Variants in KSR2 observed in about 807,000 individuals in gnomAD.
KSR2 encodes the protein kinase suppressor of ras 2.
KSR2 carries 25 observed loss-of-function variants against 107.8 expected under a neutral mutation model. The ratio of observed to expected loss-of-function variants is 0.23; its 90% CI spans 0.17 to 0.32. The LOEUF (loss-of-function observed/expected upper bound fraction) is 0.32. KSR2 is among the 10% of genes least tolerant of loss of function. KSR2 has a pLI of 1.00. For missense variants in KSR2, 887 were observed against 1,268.9 expected (o/e 0.70, Z 4.57); for synonymous variants, 480 against 507.0 (o/e 0.95, Z 0.71).
At chr12:117,719,914 G>A (rs1413321869) in intron 4 of KSR2, among the ~76,000 whole-genome samples, 2 of 152,156 alleles carry the variant, frequency 1.3e-5, no homozygotes, top group Non-Finnish European at 2.9e-5. Flanking sequence ...GAAGGGCAAT[G>A]CTTCTCCTTA....
chr12:117,517,020 A>T (rs950227936), intron 14 of KSR2, among the ~76,000 whole-genome samples: 2 of 151,952 alleles, frequency 1.3e-5, no homozygotes, highest in African/African-American at 4.8e-5. Context: ...CTCACAGACC[A>T]CCCCCCTCCA....
intron 1 of KSR2, among the ~76,000 whole-genome samples, chr12:117,898,750 A>T (rs1475297242): frequency 6.6e-6 from 1 of 152,234 alleles, no homozygotes; most frequent in Admixed American, 6.5e-5. Context: ...TCAGCCAAAA[A>T]AAAAAGAATG....
At chr12:117,709,602 G>A (rs1321180467) in intron 4 of KSR2, among the ~76,000 whole-genome samples, 4 of 152,194 alleles carry the variant, frequency 2.6e-5, no homozygotes, top group African/African-American at 9.7e-5. Context: ...ACAGACATGA[G>A]CCACTGTGCC....
chr12:117,883,410 A>G (rs1318301254), intron 1 of KSR2, among the ~76,000 whole-genome samples: 1 of 152,198 alleles, frequency 6.6e-6, no homozygotes, highest in Non-Finnish European at 1.5e-5. Flanking sequence ...GTAAGTGTCA[A>G]CCATTGGGCT....
intron 5 of KSR2, among the ~76,000 whole-genome samples, chr12:117,645,138 T>C (rs900659811): frequency 6.6e-6 from 1 of 152,148 alleles, no homozygotes; most frequent in Admixed American, 6.5e-5. Flanking sequence ...AGATGGAAGT[T>C]TGGAGCAGTC....
intron 5 of KSR2, among the ~76,000 whole-genome samples, chr12:117,656,007 G>A (rs539674919): frequency 5.8e-4 from 89 of 152,316 alleles, no homozygotes; most frequent in African/African-American, 2.0e-3. Context: ...AAAAAACCAC[G>A]ACTTGCTGAG....
chr12:117,647,590 T>C (rs1883708370), intron 5 of KSR2, among the ~76,000 whole-genome samples: 2 of 152,144 alleles, frequency 1.3e-5, no homozygotes, highest in Non-Finnish European at 2.9e-5. Flanking sequence ...AAAATCCAAG[T>C]TATCAAAGCT....
rs557436312 is a variant in KSR2 at position 117,611,911 on chromosome 12, C to T, written c.1172-29552G>A. ...TTCCACTCAAATGAGGTACCTAGTC[C>T]AGTCAAATTCATAGAGACAGAAAGT... On this transcript the variant is annotated intron_variant, in intron 5 of 19. Coordinates refer to ENST00000339824, the MANE Select transcript of KSR2 (RefSeq NM_173598.6). Among the ~76,000 whole-genome samples the T allele has an allele frequency of 7.9e-5, 12 of 152,218 alleles. 1 individual carries two copies. The South Asian group carries it at 2.5e-3, about 32-fold the overall frequency.
chr12:117,529,363 G>A (rs1875447373), intron 12 of KSR2, among the ~76,000 whole-genome samples: 1 of 152,140 alleles, frequency 6.6e-6, no homozygotes, highest in Non-Finnish European at 1.5e-5. Flanking sequence ...TTACAGTTGT[G>A]TGCCACCACG....
intron 5 of KSR2, among the ~76,000 whole-genome samples, chr12:117,629,714 C>T (rs749121991): frequency 6.6e-6 from 1 of 152,210 alleles, no homozygotes; most frequent in Non-Finnish European, 1.5e-5. Flanking sequence ...CTATAGCAAT[C>T]AACATCCTCA....
At chr12:117,875,648 G>A (rs1893817716) in intron 1 of KSR2, among the ~76,000 whole-genome samples, 1 of 152,180 alleles carries the variant, frequency 6.6e-6, no homozygotes, top group Non-Finnish European at 1.5e-5. Context: ...CACATGAGCA[G>A]CAAAGAGCTC....
chr12:117,616,717 A>G (rs1481621237), intron 5 of KSR2, among the ~76,000 whole-genome samples: 1 of 152,124 alleles, frequency 6.6e-6, no homozygotes, highest in Non-Finnish European at 1.5e-5. Flanking sequence ...CTTCTGCCCA[A>G]CCTTGCTTCC....
At chr12:117,628,311 T>C (rs1318675366) in intron 5 of KSR2, among the ~76,000 whole-genome samples, 3 of 152,374 alleles carry the variant, frequency 2.0e-5, no homozygotes, top group South Asian at 4.1e-4. Flanking sequence ...TTTTCTGCTC[T>C]GGTTTCTCCC....
chr12:117,660,750 A>G (rs1884400044), intron 5 of KSR2, among the ~76,000 whole-genome samples: 1 of 152,182 alleles, frequency 6.6e-6, no homozygotes, highest in South Asian at 2.1e-4. Context: ...AAACATAAAG[A>G]TATTTAATAG....
intron 5 of KSR2, among the ~76,000 whole-genome samples, chr12:117,647,143 TG>T (rs755451717): frequency 6.6e-6 from 1 of 151,980 alleles, no homozygotes; most frequent in Non-Finnish European, 1.5e-5. Context: ...AAGACAGATG[TG>T]ACGGAGGAAG....
At chr12:117,578,807 C>T (rs576665832) in intron 7 of KSR2, among the ~76,000 whole-genome samples, 13 of 152,230 alleles carry the variant, frequency 8.5e-5, no homozygotes, top group Non-Finnish European at 1.5e-4. Flanking sequence ...TATTTACTAT[C>T]TGGTCAACTC....
chr12:117,798,344 C>G (rs1890707138), intron 3 of KSR2, among the ~76,000 whole-genome samples: 2 of 152,160 alleles, frequency 1.3e-5, no homozygotes. Context: ...CCTAAAGAAA[C>G]AGAGGAAGCT....
intron 3 of KSR2, among the ~76,000 whole-genome samples, chr12:117,769,805 G>C (rs1305564809): frequency 6.6e-6 from 1 of 152,076 alleles, no homozygotes; most frequent in Non-Finnish European, 1.5e-5. Context: ...TGTAATCCTA[G>C]CACTTTGGGA....
chr12:117,688,153 G>A (rs911354427), intron 4 of KSR2, among the ~76,000 whole-genome samples: 2 of 152,216 alleles, frequency 1.3e-5, no homozygotes, highest in East Asian at 1.9e-4. Context: ...GCTGAGATGG[G>A]TGGATCACTT....
Sources: allele counts gnomAD v4.1 joint callset (sites outside exome capture counted in the v4.1 genomes callset), GRCh38; gene constraint gnomAD v4.1.1; transcripts MANE v1.5; gene names NCBI Gene and HGNC (gene_info 2026-07-23, HGNC 2026-07-21).